AFG1L: variants seen among roughly 807,000 people sequenced by gnomAD.
The protein encoded by AFG1L is AFG1 like ATPase, also known as AFG1-like ATPase.
A neutral mutation model predicts 62.2 loss-of-function variants in AFG1L; 53 were observed. That is an observed-to-expected ratio of 0.85 (90% CI 0.68 to 1.07). AFG1L has a LOEUF of 1.07. AFG1L is among the 50% of genes least tolerant of loss of function. The pLI, the probability that AFG1L is intolerant of heterozygous loss-of-function variation, is 0.00. For synonymous variants in AFG1L, 228 were observed against 210.3 expected (o/e 1.08, Z -0.73); for missense variants, 555 against 590.5 (o/e 0.94, Z 0.62).
chr6:108,421,413 C>T (rs1582561227), intron 7 of AFG1L, among the ~76,000 whole-genome samples: 1 of 151,982 alleles, frequency 6.6e-6, no homozygotes. Flanking sequence ...TAACACTGGC[C>T]GAAGCTGGTC....
At chr6:108,477,023 A>G in intron 9 of AFG1L, 88 bp downstream of exon 9, 1 of 1,206,652 alleles carries the variant, frequency 8.3e-7, no homozygotes, top group Non-Finnish European at 1.2e-6. Context: ...CCATTGCTGT[A>G]TATGGGTTGA....
chr6:108,524,084 A>G lies in AFG1L; in HGVS notation c.*1659A>G, dbSNP rs1024690634. On this transcript the variant is annotated 3_prime_UTR_variant, in exon 13 of 13. Coordinates refer to ENST00000368977, the MANE Select transcript of AFG1L (RefSeq NM_145315.5). ...CAGTTTACAACTACAAAACTCATAT[A>G]CTATATTTTATAACACACTGTCTCT... is the stretch of plus-strand genomic sequence containing the variant. The G allele has an allele frequency of 6.6e-6, 1 of 152,162 alleles. No individual in the cohort carries two copies. The highest frequency in any genetic ancestry group is 1.5e-5 in the Non-Finnish European group (1 of 68,022). The allele number at this position is 152,162 out of a possible 1,614,324, so 9.4% of individuals were successfully genotyped here.
In AFG1L at chr6:108,315,042, T is replaced by C. The variant is rs140745570; in HGVS notation, c.140-8783T>C. Among the ~76,000 whole-genome samples the C allele has an allele frequency of 9.1e-3, 1,386 of 152,212 alleles. 22 individuals are homozygous for C. Among genetic ancestry groups the C allele is most frequent in the African/African-American group, 0.032 (1,333 of 41,518 alleles). ...TTTTAGTAGAGACGAGGTTTCACCA[T>C]GTTGGCCAGGCTGGCTTTAAGTGAT... On this transcript the variant is annotated intron_variant, in intron 1 of 12. Transcript: ENST00000368977.
chr6:108,498,984 A>G (rs972182250), intron 10 of AFG1L, among the ~76,000 whole-genome samples: 23 of 152,204 alleles, frequency 1.5e-4, no homozygotes, highest in African/African-American at 5.3e-4. Flanking sequence ...AAAAATATAT[A>G]TATACATGAA....
At chr6:108,408,436 A>G (rs2114650588) in intron 7 of AFG1L, among the ~76,000 whole-genome samples, 1 of 152,274 alleles carries the variant, frequency 6.6e-6, no homozygotes, top group South Asian at 2.1e-4. Context: ...TTCCCTATGC[A>G]GATATCTGGA....
chr6:108,452,912 C>T (rs1452904276), intron 8 of AFG1L, among the ~76,000 whole-genome samples: 1 of 152,104 alleles, frequency 6.6e-6, no homozygotes, highest in Non-Finnish European at 1.5e-5. Flanking sequence ...CTTTTTGTCT[C>T]GAGGGAGACA....
intron 1 of AFG1L, among the ~76,000 whole-genome samples, chr6:108,311,092 G>T (rs1287552383): frequency 6.6e-6 from 1 of 152,104 alleles, no homozygotes; most frequent in African/African-American, 2.4e-5. Flanking sequence ...GGCCTTTAAG[G>T]GTTAAATTCA....
chr6:108,517,170 A>G (rs943999579), intron 11 of AFG1L, among the ~76,000 whole-genome samples: 1 of 152,222 alleles, frequency 6.6e-6, no homozygotes, highest in Non-Finnish European at 1.5e-5. Context: ...TTCATATGGA[A>G]CCAAAAAAGA....
intron 6 of AFG1L, among the ~76,000 whole-genome samples, chr6:108,389,159 G>T (rs1321578746): frequency 1.3e-5 from 2 of 152,044 alleles, no homozygotes; most frequent in Non-Finnish European, 2.9e-5. Context: ...TTTGATCTTT[G>T]TTGGTTTAAA....
chr6:108,513,768 G>A (rs1468993277), intron 11 of AFG1L, among the ~76,000 whole-genome samples: 2 of 152,176 alleles, frequency 1.3e-5, no homozygotes, highest in African/African-American at 4.8e-5. Context: ...GAGAGTAGAG[G>A]TTCTTCCAGC....
chr6:108,296,035 C>A (rs1162662984), intron 1 of AFG1L, among the ~76,000 whole-genome samples: 1 of 152,184 alleles, frequency 6.6e-6, no homozygotes, highest in African/African-American at 2.4e-5. Context: ...CAAGCAACCC[C>A]TGTAATATAC....
In AFG1L at chr6:108,422,477, C is replaced by CAAAAAA. The variant is rs539232525; in HGVS notation, c.807+20440_807+20445dup. On this transcript the variant is annotated intron_variant, in intron 7 of 12. Coordinates refer to ENST00000368977, the MANE Select transcript of AFG1L (RefSeq NM_145315.5). Reference sequence around the variant, plus strand: ...ATATTTTTTTAAAATTAGTCCTCAGCAAAAAAAAAAAAAAAAAAAAAAGAA... The same window carrying CAAAAAA: ...ATATTTTTTTAAAATTAGTCCTCAGCAAAAAAAAAAAAAAAAAAAAAAAAAAAAGAA... Among the ~76,000 whole-genome samples, 324 of 45,290 alleles carry CAAAAAA rather than the reference C, an allele frequency of 7.2e-3. 9 individuals are homozygous for CAAAAAA. Among genetic ancestry groups the CAAAAAA allele is most frequent in the East Asian group, 0.011 (18 of 1,578 alleles). The allele number at this position is 45,290 out of a possible 152,430, so 29.7% of individuals were successfully genotyped here.
At chr6:108,398,402 G>A (rs1781409491) in intron 6 of AFG1L, among the ~76,000 whole-genome samples, 1 of 151,982 alleles carries the variant, frequency 6.6e-6, no homozygotes, top group Non-Finnish European at 1.5e-5. Context: ...CCATTCTGTG[G>A]GTTGTCTCTT....
At chr6:108,364,536 T>C (rs987390897) in intron 5 of AFG1L, among the ~76,000 whole-genome samples, 2 of 152,208 alleles carry the variant, frequency 1.3e-5, no homozygotes, top group African/African-American at 4.8e-5. Context: ...CAAATGACCA[T>C]TTTTATTCTC....
At chr6:108,368,246 A>AT (rs568884527) in intron 6 of AFG1L, among the ~76,000 whole-genome samples, 1 of 150,952 alleles carries the variant, frequency 6.6e-6, no homozygotes, top group Non-Finnish European at 1.5e-5. Flanking sequence ...TTCTAATATA[A>AT]TTTTTTTTTG....
At chr6:108,463,268 G>A (rs1339854631) in intron 8 of AFG1L, among the ~76,000 whole-genome samples, 9 of 124,866 alleles carry the variant, frequency 7.2e-5, no homozygotes, top group African/African-American at 2.8e-4. Context: ...CAGCCTGGGT[G>A]ACAGAGTGAG....
At chr6:108,374,796 G>A (rs933136131) in intron 6 of AFG1L, among the ~76,000 whole-genome samples, 2 of 152,008 alleles carry the variant, frequency 1.3e-5, no homozygotes, top group African/African-American at 4.8e-5. Context: ...TTTGTTTAGG[G>A]TTGCTTTGGT....
chr6:108,422,349 C>T (rs372433591), intron 7 of AFG1L, among the ~76,000 whole-genome samples: 6 of 151,570 alleles, frequency 4.0e-5, no homozygotes, highest in African/African-American at 1.5e-4. Flanking sequence ...GAAAGCATTG[C>T]ATTTATTTTG....
intron 1 of AFG1L, among the ~76,000 whole-genome samples, chr6:108,299,340 A>G (rs1045805628): frequency 2.0e-5 from 3 of 152,170 alleles, no homozygotes; most frequent in African/African-American, 7.2e-5. Flanking sequence ...GTGAAGGTAA[A>G]TTTAGGTTTC....
Sources: allele counts gnomAD v4.1 joint callset (sites outside exome capture counted in the v4.1 genomes callset), GRCh38; gene constraint gnomAD v4.1.1; transcripts MANE v1.5; gene names NCBI Gene and HGNC (gene_info 2026-07-23, HGNC 2026-07-21).